The following AGBL4 variants were observed in gnomAD, a reference collection of about 807,000 sequenced individuals.
The protein encoded by AGBL4 is AGBL carboxypeptidase 4, also known as cytosolic carboxypeptidase 6.
Under a neutral mutation model 66.4 loss-of-function variants are expected in AGBL4, and 58 were observed. The observed-to-expected ratio is 0.87, with a 90% CI of 0.71 to 1.09. The LOEUF (loss-of-function observed/expected upper bound fraction) is 1.09, where lower values mean the gene tolerates loss of function less well. Among genes scored for constraint, AGBL4 ranks in the 50% least tolerant of loss-of-function variants. The probability of loss-of-function intolerance (pLI) is 0.00; values close to 1 mark genes in which losing one functional copy is unlikely to be tolerated. For synonymous variants in AGBL4, 234 were observed against 222.9 expected (o/e 1.05, Z -0.44); for missense variants, 579 against 631.0 (o/e 0.92, Z 0.88).
At chr1:49,030,776 T>C (rs1015507931) in intron 5 of AGBL4, among the ~76,000 whole-genome samples, 7 of 143,540 alleles carry the variant, frequency 4.9e-5, no homozygotes, top group African/African-American at 1.8e-4. Flanking sequence ...TTAAGCCACC[T>C]AGTCTATGGT....
chr1:49,692,118 GGA>G (rs1193330046), intron 3 of AGBL4, among the ~76,000 whole-genome samples: 5 of 152,038 alleles, frequency 3.3e-5, no homozygotes, highest in African/African-American at 1.2e-4. Context: ...CTTTGGGTGG[GGA>G]CACAGCCAAA....
At chr1:49,918,779 A>G (rs988288804) in intron 1 of AGBL4, among the ~76,000 whole-genome samples, 3 of 152,072 alleles carry the variant, frequency 2.0e-5, no homozygotes, top group Non-Finnish European at 2.9e-5. Flanking sequence ...CAGAGACACA[A>G]AAAAAGAGAA....
At chr1:49,161,113 C>A (rs1646533217) in intron 4 of AGBL4, among the ~76,000 whole-genome samples, 1 of 152,138 alleles carries the variant, frequency 6.6e-6, no homozygotes, top group Non-Finnish European at 1.5e-5. Context: ...AAAAAAACTC[C>A]TGTAGCTAGT....
intron 3 of AGBL4, among the ~76,000 whole-genome samples, chr1:49,406,285 G>A (rs1043024875): frequency 6.6e-6 from 1 of 151,856 alleles, no homozygotes; most frequent in Non-Finnish European, 1.5e-5. Context: ...AATAGAAAAA[G>A]AGCCCTCAAT....
At chr1:49,991,829 T>A (rs891603074) in intron 1 of AGBL4, among the ~76,000 whole-genome samples, 1 of 152,168 alleles carries the variant, frequency 6.6e-6, no homozygotes, top group Admixed American at 6.5e-5. Flanking sequence ...ATTAAAGGGC[T>A]TTGGAGTCAA....
intron 3 of AGBL4, among the ~76,000 whole-genome samples, chr1:49,314,957 T>G (rs561299144): frequency 6.6e-6 from 1 of 152,250 alleles, no homozygotes; most frequent in South Asian, 2.1e-4. Context: ...ATTGTGGTTT[T>G]GATTGGCATT....
intron 1 of AGBL4, among the ~76,000 whole-genome samples, chr1:49,868,077 G>T (rs1646749658): frequency 6.6e-6 from 1 of 151,994 alleles, no homozygotes. Flanking sequence ...GGGATGTGAA[G>T]GACCTCTTCA....
At chr1:49,556,882 C>T (rs1381166495) in intron 3 of AGBL4, among the ~76,000 whole-genome samples, 2 of 152,012 alleles carry the variant, frequency 1.3e-5, no homozygotes, top group Non-Finnish European at 2.9e-5. Context: ...AGAATTCAAG[C>T]GCGGCGCGGG....
At chr1:49,361,379 T>G (rs983179809) in intron 3 of AGBL4, among the ~76,000 whole-genome samples, 2 of 152,144 alleles carry the variant, frequency 1.3e-5, no homozygotes, top group African/African-American at 4.8e-5. Flanking sequence ...CAGGCTGGAG[T>G]GCAGTGGCAC....
chr1:48,947,127 A>G (rs1656579802), intron 5 of AGBL4, among the ~76,000 whole-genome samples: 3 of 152,042 alleles, frequency 2.0e-5, no homozygotes, highest in Admixed American at 2.0e-4. Flanking sequence ...CCTCCAGTTA[A>G]CCCTTATTCT....
At chr1:48,783,397 G>A (rs945727066) in intron 6 of AGBL4, among the ~76,000 whole-genome samples, 3 of 152,144 alleles carry the variant, frequency 2.0e-5, no homozygotes, top group South Asian at 4.1e-4. Flanking sequence ...AGCAAAGAGA[G>A]GAGCTGCATG....
chr1:49,955,901 T>C (rs1445962954), intron 1 of AGBL4, among the ~76,000 whole-genome samples: 3 of 152,042 alleles, frequency 2.0e-5, no homozygotes, highest in Non-Finnish European at 4.4e-5. Context: ...CCAGGCATTA[T>C]TTATTCCCAT....
chr1:49,134,161 C>A (rs950077428), intron 4 of AGBL4, among the ~76,000 whole-genome samples: 1 of 151,804 alleles, frequency 6.6e-6, no homozygotes, highest in Non-Finnish European at 1.5e-5. Context: ...AGGGAGTGTA[C>A]GAATAGGGTG....
chr1:49,550,985 G>C (rs1455397145), intron 3 of AGBL4, among the ~76,000 whole-genome samples: 1 of 152,054 alleles, frequency 6.6e-6, no homozygotes, highest in Non-Finnish European at 1.5e-5. Context: ...TGGAGACTTT[G>C]TTCGGATTTT....
chr1:48,683,201 G>A (rs1046318695), intron 6 of AGBL4, among the ~76,000 whole-genome samples: 10 of 152,196 alleles, frequency 6.6e-5, no homozygotes, highest in Non-Finnish European at 1.0e-4. Context: ...CCAAGTCCCA[G>A]GTGGTTCTGC....
At chr1:49,564,513 T>C (rs916198232) in intron 3 of AGBL4, among the ~76,000 whole-genome samples, 17 of 152,224 alleles carry the variant, frequency 1.1e-4, no homozygotes, top group Non-Finnish European at 2.2e-4. Context: ...TGTGTCTTTC[T>C]TCTCGTTGGT....
intron 5 of AGBL4, among the ~76,000 whole-genome samples, chr1:48,872,849 C>T (rs748734073): frequency 4.6e-5 from 7 of 152,100 alleles, no homozygotes; most frequent in Admixed American, 1.3e-4. Flanking sequence ...CCCCAGGGGC[C>T]TAACAGGAAG....
intron 3 of AGBL4, among the ~76,000 whole-genome samples, chr1:49,287,566 C>G (rs2148419177): frequency 6.6e-6 from 1 of 152,204 alleles, no homozygotes; most frequent in African/African-American, 2.4e-5. Flanking sequence ...TATGAACAGA[C>G]ACTTCTCAAA....
At chr1:49,241,583 T>C (rs1360598891) in intron 4 of AGBL4, among the ~76,000 whole-genome samples, 2 of 152,068 alleles carry the variant, frequency 1.3e-5, no homozygotes, top group African/African-American at 4.8e-5. Flanking sequence ...TTTAGCATAG[T>C]AGACTATAAG....
Sources: allele counts gnomAD v4.1 joint callset (sites outside exome capture counted in the v4.1 genomes callset), GRCh38; gene constraint gnomAD v4.1.1; transcripts MANE v1.5; gene names NCBI Gene and HGNC (gene_info 2026-07-23, HGNC 2026-07-21).